ELOB: variants seen among roughly 807,000 people sequenced by gnomAD.
The protein encoded by ELOB is elongin B.
A neutral mutation model predicts 12.9 loss-of-function variants in ELOB; 3 were observed. The observed-to-expected ratio is 0.23, with a 90% CI of 0.11 to 0.60. The LOEUF is 0.60. Among genes scored for constraint, ELOB ranks in the 20% least tolerant of loss-of-function variants. The pLI is 0.89. For synonymous variants in ELOB, 84 were observed against 67.4 expected (o/e 1.25, Z -1.21); for missense variants, 126 against 159.2 (o/e 0.79, Z 1.12).
rs1436292564 is a variant in ELOB, at chr16:2,771,762, CAG to C, written c.*226_*227del. 13 of 1,483,672 alleles carry C rather than the reference CAG, an allele frequency of 8.8e-6. No individual in the cohort carries two copies. The highest frequency in any genetic ancestry group is 1.4e-5 in the African/African-American group (1 of 71,166). The allele number at this position is 1,483,672 out of a possible 1,614,324, so 91.9% of individuals were successfully genotyped here. On this transcript the variant is annotated 3_prime_UTR_variant, in exon 4 of 4. Coordinates refer to ENST00000409906, the MANE Select transcript of ELOB (RefSeq NM_007108.4). ...TAGCTGCTAACAATGGCTTGGGTCTCAGGGCAACCCAGGTCCCCATGGTGCCT... is the reference window on the plus strand; with the variant it reads ...TAGCTGCTAACAATGGCTTGGGTCTCGGCAACCCAGGTCCCCATGGTGCCT...
At position 2,772,130 on chromosome 16, in the gene ELOB, G is replaced by C. The variant is rs751833850; in HGVS notation, c.245-28C>G. ...GTGGAGGAAGCAGCAGAGCTGCAGG[G>C]GGGTATTCCAGCTCTTGCCCCAGCT... is the stretch of plus-strand genomic sequence containing the variant. On this transcript the variant is annotated intron_variant, in intron 3 of 3. Transcript: ENST00000409906. 5.1e-6 allele frequency: 8 copies of C among 1,562,528 alleles called. No individual in the cohort carries two copies. In the East Asian group the frequency reaches 6.8e-5, roughly 13 times the overall value.
chr16:2,771,786 G>GC lies in ELOB; in HGVS notation c.*203dup, dbSNP rs1596301433. ...TCAGGGCAACCCAGGTCCCCATGGT[G>GC]CCTTTAAGCAGCAGGCTGGGCCAAG... On this transcript the variant is annotated 3_prime_UTR_variant, in exon 4 of 4. Coordinates refer to ENST00000409906, the MANE Select transcript of ELOB (RefSeq NM_007108.4). The GC allele has an allele frequency of 1.4e-6, 2 of 1,459,154 alleles. No homozygotes were observed. 90.4% of individuals were successfully genotyped at this position (1,459,154 alleles called of 1,614,324 possible). A position where few individuals can be genotyped will look rare whatever the true frequency, so the allele number is the denominator to read the frequency against.
rs2068752297 is a variant in ELOB, at chr16:2,771,657, T to C, written c.*333A>G. On this transcript the variant is annotated 3_prime_UTR_variant, in exon 4 of 4. Transcript: ENST00000409906. ...AGAAAGGCCTAAAACTGGAATCTCT[T>C]GTCCCTGAGGCTGGCTCTGGTCTTT... 7 of 1,611,238 alleles carry C rather than the reference T, an allele frequency of 4.3e-6. No individual in the cohort carries two copies. The highest frequency in any genetic ancestry group is 1.9e-4 in the Middle Eastern group (1 of 5,224).
chr16:2,775,626 C>T, intron 2 of ELOB, 70 bp from the exon 3 acceptor site: 1 of 1,288,726 alleles, frequency 7.8e-7, no homozygotes, highest in Non-Finnish European at 1.1e-6. Flanking sequence ...TGACCAGCAA[C>T]TACACGGGAA....
At chr16:2,773,922 T>C (rs3112687) in intron 3 of ELOB, among the ~76,000 whole-genome samples, 121,165 of 152,134 alleles carry the variant, frequency 0.8, 48,763 homozygotes, top group Admixed American at 0.85. Flanking sequence ...TGGCACTCCC[T>C]TGCTCTCTTC....
chr16:2,771,482 C>G lies in ELOB; in HGVS notation c.*508G>C, dbSNP rs1040849647. On this transcript the variant is annotated 3_prime_UTR_variant, in exon 4 of 4. Coordinates refer to ENST00000409906, the MANE Select transcript of ELOB (RefSeq NM_007108.4). Reference sequence around the variant, plus strand: ...CACTTCCCTCCGTGATTACAGCCCCCAGCGTGGGTGGACCTGTGTGGGTCC... The same window carrying G: ...CACTTCCCTCCGTGATTACAGCCCCGAGCGTGGGTGGACCTGTGTGGGTCC... The G allele has an allele frequency of 6.2e-7, 1 of 1,614,226 alleles. No individual in the cohort carries two copies. The highest frequency in any genetic ancestry group is 8.5e-7 in the Non-Finnish European group (1 of 1,180,042).
chr16:2,771,474 A>G lies in ELOB; in HGVS notation c.*516T>C. 1.2e-6 allele frequency: 2 copies of G among 1,614,160 alleles called. No homozygotes were observed. Among genetic ancestry groups the G allele is most frequent in the South Asian group, 2.2e-5 (2 of 91,050 alleles). On this transcript the variant is annotated 3_prime_UTR_variant, in exon 4 of 4. Coordinates refer to ENST00000409906, the MANE Select transcript of ELOB (RefSeq NM_007108.4). ...GGGGCAGCCACTTCCCTCCGTGATTACAGCCCCCAGCGTGGGTGGACCTGT... is the reference window on the plus strand; with the variant it reads ...GGGGCAGCCACTTCCCTCCGTGATTGCAGCCCCCAGCGTGGGTGGACCTGT...
rs2068755260 is a variant in ELOB, at chr16:2,771,757, G to A, written c.*233C>T. ...CTGGCTAGCTGCTAACAATGGCTTG[G>A]GTCTCAGGGCAACCCAGGTCCCCAT... is the stretch of plus-strand genomic sequence containing the variant. On this transcript the variant is annotated 3_prime_UTR_variant, in exon 4 of 4. Coordinates refer to ENST00000409906, the MANE Select transcript of ELOB (RefSeq NM_007108.4). The A allele has an allele frequency of 1.3e-6, 2 of 1,498,828 alleles. No individual in the cohort carries two copies. The highest frequency in any genetic ancestry group is 4.4e-5 in the Admixed American group (2 of 45,020). 92.8% of individuals were successfully genotyped at this position (1,498,828 alleles called of 1,614,324 possible). A position where few individuals can be genotyped will look rare whatever the true frequency, so the allele number is the denominator to read the frequency against.
Position 2,772,062 on chromosome 16 carries a change from G to A in ELOB, c.285C>T (p.Ser95=), listed in dbSNP as rs757272852. The A allele has an allele frequency of 3.7e-6, 6 of 1,612,782 alleles. No individual in the cohort carries two copies. The highest frequency in any genetic ancestry group is 8.5e-7 in the Non-Finnish European group (1 of 1,179,296). ...FEALCIEPFS[S]PPELPDVMKP... is the part of the protein sequence containing the mutation. Reference sequence around the variant, plus strand: ...TCATCACATCGGGCAGCTCTGGCGGGCTGGAAAACGGCTCGATGCACAGGG... The same window carrying A: ...TCATCACATCGGGCAGCTCTGGCGGACTGGAAAACGGCTCGATGCACAGGG... Residue 95 remains serine (S), a synonymous_variant, in exon 4 of 4, where the codon AGC becomes AGT. Transcript: ENST00000409906.
intron 2 of ELOB, among the ~76,000 whole-genome samples, chr16:2,776,579 C>T (rs1432485238): frequency 6.6e-6 from 1 of 152,230 alleles, no homozygotes; most frequent in African/African-American, 2.4e-5. Context: ...CACCCTCCAC[C>T]CGAAGGAGTG....
chr16:2,775,276 A>T (rs544861540), intron 3 of ELOB, among the ~76,000 whole-genome samples, 175 bp downstream of exon 3: 230 of 149,926 alleles, frequency 1.5e-3, no homozygotes, highest in African/African-American at 5.2e-3. Context: ...CTTCTTTTTT[A>T]AAAAAAAAAA....
At position 2,771,517 on chromosome 16, in the gene ELOB, T is replaced by A. The variant is rs1157478210; in HGVS notation, c.*473A>T. On this transcript the variant is annotated 3_prime_UTR_variant, in exon 4 of 4. Transcript: ENST00000409906. Reference sequence around the variant, plus strand: ...GGACCTGTGTGGGTCCGTCTTGGGGTTCCCTCGTTGAACATGCTGTCAAAC... The same window carrying A: ...GGACCTGTGTGGGTCCGTCTTGGGGATCCCTCGTTGAACATGCTGTCAAAC... The A allele has an allele frequency of 3.1e-6, 5 of 1,614,054 alleles. No homozygotes were observed. In the African/African-American group the frequency reaches 6.7e-5, roughly 22 times the overall value.
Position 2,771,578 on chromosome 16 carries a change from G to A in ELOB, c.*412C>T, listed in dbSNP as rs367976124. ...GCTCCAGCTTGTGTTTCTGCTCTTG[G>A]CCATCGTCTGGGAGTGGACATGCAG... is the stretch of plus-strand genomic sequence containing the variant. On this transcript the variant is annotated 3_prime_UTR_variant, in exon 4 of 4. Coordinates refer to ENST00000409906, the MANE Select transcript of ELOB (RefSeq NM_007108.4). 23 of 1,614,006 alleles carry A rather than the reference G, an allele frequency of 1.4e-5. No individual in the cohort carries two copies. The highest frequency in any genetic ancestry group is 5.0e-5 in the Admixed American group (3 of 59,998).
intron 3 of ELOB, among the ~76,000 whole-genome samples, chr16:2,773,161 A>T (rs1235241978): frequency 2.6e-5 from 4 of 151,758 alleles, no homozygotes; most frequent in Non-Finnish European, 5.9e-5. Context: ...CAGCTAGGAG[A>T]CCCATCTCTG....
Position 2,772,046 on chromosome 16 carries a change from C to G in ELOB, c.301G>C (p.Asp101His). ...CCCGAGTCCTGGGGCTTCATCACAT[C>G]GGGCAGCTCTGGCGGGCTGGAAAAC... is the stretch of plus-strand genomic sequence containing the variant. ...EPFSSPPELP[D>H]VMKPQDSGSS... The change falls in exon 4 of 4, where the codon GAT becomes CAT. Residue 101 changes from aspartate (D) to histidine (H), a missense_variant. Coordinates refer to ENST00000409906, the MANE Select transcript of ELOB (RefSeq NM_007108.4). The G allele has an allele frequency of 6.2e-7, 1 of 1,613,202 alleles. No individual in the cohort carries two copies. The highest frequency in any genetic ancestry group is 8.5e-7 in the Non-Finnish European group (1 of 1,179,532).
chr16:2,776,940 C>T, intron 2 of ELOB, 53 bp downstream of exon 2: 1 of 1,524,724 alleles, frequency 6.6e-7, no homozygotes, highest in Non-Finnish European at 8.8e-7. Flanking sequence ...TAGGCGTCAG[C>T]CCCGTGCCCG....
chr16:2,772,697 T>C (rs1567256024), intron 3 of ELOB, among the ~76,000 whole-genome samples: 1 of 149,036 alleles, frequency 6.7e-6, no homozygotes, highest in African/African-American at 2.5e-5. Context: ...CGACACAGAC[T>C]CCATCTCAAA....
In ELOB at chr16:2,771,693, C is replaced by G; in HGVS notation, c.*297G>C. 1 of 1,585,612 alleles carries G rather than the reference C, an allele frequency of 6.3e-7. No individual in the cohort carries two copies. The highest frequency in any genetic ancestry group is 8.6e-7 in the Non-Finnish European group (1 of 1,166,536). Reference sequence around the variant, plus strand: ...CTGGCTCTGGTCTTTGTGTCTCTCCCAGTCCTTCCCTTTCCTCCCCCTGGC... The same window carrying G: ...CTGGCTCTGGTCTTTGTGTCTCTCCGAGTCCTTCCCTTTCCTCCCCCTGGC... On this transcript the variant is annotated 3_prime_UTR_variant, in exon 4 of 4. Coordinates refer to ENST00000409906, the MANE Select transcript of ELOB (RefSeq NM_007108.4).
intron 2 of ELOB, among the ~76,000 whole-genome samples, chr16:2,775,908 C>A (rs947828406): frequency 6.6e-6 from 1 of 152,154 alleles, no homozygotes; most frequent in Non-Finnish European, 1.5e-5. Context: ...GACAGGGTCT[C>A]GCTATGTTGC....
Sources: gnomAD v4.1 joint callset for allele counts (sites outside exome capture counted in the v4.1 genomes callset) on GRCh38, gnomAD v4.1.1 for gene constraint, MANE v1.5 for transcripts, NCBI Gene and HGNC (gene_info 2026-07-23, HGNC 2026-07-21) for gene names.